The following KANK1 variants were observed in gnomAD, a reference collection of about 807,000 sequenced individuals.
KANK1 encodes KN motif and ankyrin repeat domain-containing protein 1.
A neutral mutation model predicts 106.2 loss-of-function variants in KANK1; 109 were observed. The observed-to-expected ratio is 1.03, with a 90% CI of 0.88 to 1.20. The LOEUF (loss-of-function observed/expected upper bound fraction) is 1.20, where lower values mean the gene tolerates loss of function less well. Among genes scored for constraint, KANK1 ranks in the 50% most tolerant of loss-of-function variants. KANK1 has a pLI of 0.00. For missense variants in KANK1, 2,399 were observed against 1,710.7 expected (o/e 1.40, Z -7.10); for synonymous variants, 873 against 652.2 (o/e 1.34, Z -5.16).
At chr9:544,381 A>G (rs1382749775) in intron 1 of KANK1, among the ~76,000 whole-genome samples, 1 of 152,124 alleles carries the variant, frequency 6.6e-6, no homozygotes, top group African/African-American at 2.4e-5. Context: ...GTTCTGTGTC[A>G]TGTATGTATT....
At chr9:516,708 G>C (rs1240384945) in intron 1 of KANK1, among the ~76,000 whole-genome samples, 1 of 151,536 alleles carries the variant, frequency 6.6e-6, no homozygotes, top group Non-Finnish European at 1.5e-5. Flanking sequence ...GAGTTACTAG[G>C]TTATACTTCA....
chr9:724,577 G>C (rs1038061445), intron 3 of KANK1, among the ~76,000 whole-genome samples: 48 of 152,078 alleles, frequency 3.2e-4, no homozygotes, highest in African/African-American at 1.0e-3. Context: ...GTAGGTAGGT[G>C]GATCACTTGA....
intron 1 of KANK1, among the ~76,000 whole-genome samples, chr9:607,182 A>T (rs1444922637): frequency 6.6e-6 from 1 of 151,760 alleles, no homozygotes; most frequent in Non-Finnish European, 1.5e-5. Context: ...GCATATCAAA[A>T]TCCACTTGAA....
At chr9:590,053 T>C (rs1474990608) in intron 1 of KANK1, among the ~76,000 whole-genome samples, 2 of 152,156 alleles carry the variant, frequency 1.3e-5, no homozygotes, top group Non-Finnish European at 2.9e-5. Context: ...TCTTAATTGC[T>C]TGAGGAGTGA....
At chr9:582,936 AT>A (rs1822536357) in intron 1 of KANK1, among the ~76,000 whole-genome samples, 2 of 152,236 alleles carry the variant, frequency 1.3e-5, no homozygotes, top group African/African-American at 4.8e-5. Flanking sequence ...CTGTCATCAG[AT>A]TAAACTTGTA....
intron 1 of KANK1, among the ~76,000 whole-genome samples, chr9:561,183 C>A (rs777007995): frequency 6.6e-6 from 1 of 152,110 alleles, no homozygotes; most frequent in Non-Finnish European, 1.5e-5. Flanking sequence ...TTCTCAACTT[C>A]AGGGGGGCAG....
chr9:577,095 C>G (rs59057540), intron 1 of KANK1, among the ~76,000 whole-genome samples: 7,750 of 152,212 alleles, frequency 0.051, 657 homozygotes, highest in African/African-American at 0.18. Context: ...GAAGGTAGTG[C>G]AGACCCAAAG....
intron 1 of KANK1, among the ~76,000 whole-genome samples, chr9:562,390 T>A (rs1224052957): frequency 1.3e-5 from 2 of 152,146 alleles, no homozygotes; most frequent in Non-Finnish European, 2.9e-5. Flanking sequence ...CAGAGCTGGG[T>A]AACAACTGCT....
At chr9:649,954 G>T (rs1339643515) in intron 1 of KANK1, among the ~76,000 whole-genome samples, 5 of 152,156 alleles carry the variant, frequency 3.3e-5, no homozygotes, top group African/African-American at 7.2e-5. Flanking sequence ...GGATTGAAAG[G>T]TTCAAAAGCC....
intron 1 of KANK1, among the ~76,000 whole-genome samples, chr9:667,866 G>C (rs891431747): frequency 2.0e-5 from 3 of 151,700 alleles, no homozygotes; most frequent in East Asian, 1.9e-4. Context: ...CAAGTAGCTG[G>C]GATTACAGGT....
At chr9:602,043 T>G (rs909691223) in intron 1 of KANK1, among the ~76,000 whole-genome samples, 2 of 151,930 alleles carry the variant, frequency 1.3e-5, no homozygotes, top group Non-Finnish European at 2.9e-5. Context: ...CACTTTGATG[T>G]AAAGTCATTT....
At chr9:529,584 A>G (rs539104965) in intron 1 of KANK1, among the ~76,000 whole-genome samples, 2 of 152,262 alleles carry the variant, frequency 1.3e-5, no homozygotes, top group South Asian at 4.1e-4. Flanking sequence ...ATATATTGTT[A>G]TGCATCTTTT....
chr9:715,690 C>T (rs925405025), intron 3 of KANK1, among the ~76,000 whole-genome samples: 5 of 152,186 alleles, frequency 3.3e-5, no homozygotes, highest in African/African-American at 4.8e-5. Context: ...TTTTTAACAG[C>T]ACTTATTTAG....
intron 1 of KANK1, among the ~76,000 whole-genome samples, chr9:615,057 A>G (rs1831478002): frequency 1.3e-5 from 2 of 150,958 alleles, no homozygotes; most frequent in African/African-American, 4.9e-5. Context: ...TCTCTTACTC[A>G]GCCTTCCGAG....
chr9:548,032 C>T (rs929695583), intron 1 of KANK1, among the ~76,000 whole-genome samples: 2 of 152,036 alleles, frequency 1.3e-5, no homozygotes, highest in African/African-American at 4.8e-5. Context: ...CATAATCTTC[C>T]TTCATAACTA....
At chr9:632,815 G>A (rs188530870) in intron 1 of KANK1, among the ~76,000 whole-genome samples, 454 of 152,094 alleles carry the variant, frequency 3.0e-3, no homozygotes, top group African/African-American at 0.011. Context: ...TCTGCCATTC[G>A]AGTAGCTGGG....
chr9:489,944 T>C (rs987062380), intron 3 of KANK1, among the ~76,000 whole-genome samples: 10 of 152,176 alleles, frequency 6.6e-5, no homozygotes, highest in Non-Finnish European at 1.3e-4. Context: ...CCGTACTAAG[T>C]ACAGATCATC....
chr9:683,730 T>C (rs1001845329), intron 2 of KANK1, among the ~76,000 whole-genome samples: 1 of 152,218 alleles, frequency 6.6e-6, no homozygotes, highest in African/African-American at 2.4e-5. Flanking sequence ...TTTCTTAGTA[T>C]GGATTATTTC....
intron 1 of KANK1, among the ~76,000 whole-genome samples, chr9:635,096 T>C (rs1331451729): frequency 6.6e-6 from 1 of 152,190 alleles, no homozygotes; most frequent in Non-Finnish European, 1.5e-5. Flanking sequence ...AATGCCGTTA[T>C]TATGGTAACC....
Sources: gnomAD v4.1 joint callset for allele counts (sites outside exome capture counted in the v4.1 genomes callset) on GRCh38, gnomAD v4.1.1 for gene constraint, MANE v1.5 for transcripts, NCBI Gene and HGNC (gene_info 2026-07-23, HGNC 2026-07-21) for gene names.